CACNA1D: variants seen among roughly 807,000 people sequenced by gnomAD.
CACNA1D encodes calcium voltage-gated channel subunit alpha1 D, also known as voltage-dependent L-type calcium channel subunit alpha-1D.
CACNA1D carries 55 observed loss-of-function variants against 257.1 expected under a neutral mutation model. The ratio of observed to expected loss-of-function variants is 0.21; its 90% CI spans 0.17 to 0.27. The LOEUF (loss-of-function observed/expected upper bound fraction) is 0.27. Among genes scored for constraint, CACNA1D ranks in the 10% least tolerant of loss-of-function variants. The pLI is 1.00. For synonymous variants in CACNA1D, 980 were observed against 1,014.9 expected (o/e 0.97, Z 0.65); for missense variants, 1,876 against 2,784.0 (o/e 0.67, Z 7.34).
chr3:53,660,232 C>G lies in CACNA1D; in HGVS notation c.723C>G (p.Ala241=). 1.2e-6 allele frequency: 2 copies of G among 1,614,116 alleles called. No individual in the cohort carries two copies. Among genetic ancestry groups the G allele is most frequent in the Non-Finnish European group, 8.5e-7 (1 of 1,179,978 alleles). ...SGGFDVKALR[A]FRVLRPLRLV... ...GCTTTGATGTCAAAGCCCTCCGTGC[C>G]TTTCGAGTGTTGCGACCACTTCGAC... is the stretch of plus-strand genomic sequence containing the variant. Residue 241 remains alanine (A), a synonymous_variant, in exon 5 of 48, where the codon GCC becomes GCG. Coordinates refer to ENST00000350061, the MANE Select transcript of CACNA1D (RefSeq NM_001128840.3).
rs949622627 is a variant in CACNA1D, at chr3:53,812,468, C to A, written c.*1062C>A. 2 of 152,196 alleles carry A rather than the reference C, an allele frequency of 1.3e-5. No individual in the cohort carries two copies. The highest frequency in any genetic ancestry group is 4.8e-5 in the African/African-American group (2 of 41,448). The allele number at this position is 152,196 out of a possible 1,614,324, so 9.4% of individuals were successfully genotyped here. A position where few individuals can be genotyped will look rare whatever the true frequency, so the allele number is the denominator to read the frequency against. ...ACCTATCATCTTTCCACAAGATATA[C>A]CAGATGACTATTTGCAGTCTTTTCT... On this transcript the variant is annotated 3_prime_UTR_variant, in exon 48 of 48. Transcript: ENST00000350061.
At chr3:53,547,844 A>G (rs1481163319) in intron 3 of CACNA1D, among the ~76,000 whole-genome samples, 1 of 152,208 alleles carries the variant, frequency 6.6e-6, no homozygotes, top group Non-Finnish European at 1.5e-5. Context: ...TGACAAGGCT[A>G]TGAGGTCCTG....
intron 3 of CACNA1D, among the ~76,000 whole-genome samples, chr3:53,606,669 T>C (rs1383922680): frequency 5.9e-5 from 9 of 152,228 alleles, no homozygotes; most frequent in Admixed American, 5.9e-4. Flanking sequence ...ACCCACTTTA[T>C]TGAGCTAAAA....
At chr3:53,802,899 A>G (rs1272743219) in intron 43 of CACNA1D, among the ~76,000 whole-genome samples, 2 of 152,130 alleles carry the variant, frequency 1.3e-5, no homozygotes, top group Non-Finnish European at 2.9e-5. Context: ...GCCTTTGGAA[A>G]CATGGTGGAC....
intron 3 of CACNA1D, among the ~76,000 whole-genome samples, chr3:53,597,602 T>C (rs1559895117): frequency 6.6e-6 from 1 of 152,182 alleles, no homozygotes; most frequent in Non-Finnish European, 1.5e-5. Context: ...GGTTTCATAT[T>C]TTTAGCTCCT....
rs1288394213 is a variant in CACNA1D at position 53,740,740 on chromosome 3, TA to T, written c.2811+409del. Among the ~76,000 whole-genome samples the T allele has an allele frequency of 7.2e-5, 11 of 152,020 alleles. No individual in the cohort carries two copies. In the South Asian group the frequency reaches 2.3e-3, roughly 32 times the overall value. ...GGTTGAGAATTACATTTTGCTCATTTAAAAAAAATACCCTCTGTAATTTGTC... is the reference window on the plus strand; with the variant it reads ...GGTTGAGAATTACATTTTGCTCATTTAAAAAAATACCCTCTGTAATTTGTC... On this transcript the variant is annotated intron_variant, in intron 21 of 47. Transcript: ENST00000350061.
chr3:53,654,369 G>A (rs2094128397), intron 4 of CACNA1D, among the ~76,000 whole-genome samples: 2 of 152,166 alleles, frequency 1.3e-5, no homozygotes, highest in African/African-American at 4.8e-5. Context: ...GTATTGTGGT[G>A]TCTATAGCTT....
intron 3 of CACNA1D, among the ~76,000 whole-genome samples, chr3:53,521,910 A>G (rs1467221409): frequency 1.3e-5 from 2 of 151,028 alleles, no homozygotes; most frequent in Admixed American, 1.3e-4. Flanking sequence ...GGATTGCTTG[A>G]GGCCATGAGT....
intron 12 of CACNA1D, among the ~76,000 whole-genome samples, chr3:53,722,776 C>T (rs1456341236): frequency 6.6e-6 from 1 of 152,180 alleles, no homozygotes; most frequent in Admixed American, 6.5e-5. Flanking sequence ...CTGCCCTCAT[C>T]GGGGAAGCTT....
At chr3:53,767,704 A>G (rs2095342149) in intron 30 of CACNA1D, among the ~76,000 whole-genome samples, 1 of 152,230 alleles carries the variant, frequency 6.6e-6, no homozygotes, top group Non-Finnish European at 1.5e-5. Flanking sequence ...TGTTCAGGCT[A>G]GTATGAGAGC....
At chr3:53,733,984 A>G (rs2095029459) in intron 19 of CACNA1D, among the ~76,000 whole-genome samples, 1 of 133,008 alleles carries the variant, frequency 7.5e-6, no homozygotes, top group Admixed American at 8.1e-5. Flanking sequence ...GTATATATAT[A>G]TACATATACA....
At chr3:53,567,592 C>T (rs188929504) in intron 3 of CACNA1D, among the ~76,000 whole-genome samples, 20 of 152,194 alleles carry the variant, frequency 1.3e-4, no homozygotes, top group African/African-American at 2.6e-4. Context: ...TACAGAGGAG[C>T]GAGAACTTAC....
At chr3:53,614,191 G>C (rs9878618) in intron 3 of CACNA1D, among the ~76,000 whole-genome samples, 3,972 of 151,448 alleles carry the variant, frequency 0.026, 191 homozygotes, top group African/African-American at 0.091. Context: ...ACTTGAGGAA[G>C]ACATCGTCCC....
At chr3:53,760,630 G>A (rs903453563) in intron 29 of CACNA1D, among the ~76,000 whole-genome samples, 3 of 152,208 alleles carry the variant, frequency 2.0e-5, no homozygotes, top group African/African-American at 4.8e-5. Flanking sequence ...CAGGGGTGTC[G>A]AGAGACCACA....
intron 9 of CACNA1D, among the ~76,000 whole-genome samples, chr3:53,714,043 C>A (rs1286656989): frequency 1.3e-5 from 2 of 152,220 alleles, no homozygotes; most frequent in Non-Finnish European, 2.9e-5. Flanking sequence ...TGCCAGCATC[C>A]TCTCACAGGT....
chr3:53,762,040 G>A lies in CACNA1D; in HGVS notation c.3829G>A (p.Val1277Ile), dbSNP rs1329352704. The A allele has an allele frequency of 5.6e-6, 9 of 1,613,792 alleles. No individual in the cohort carries two copies. The highest frequency in any genetic ancestry group is 1.3e-5 in the African/African-American group (1 of 75,042). Residue 1277 changes from valine to isoleucine, a missense_variant, in exon 30 of 48, where the codon GTA (valine) becomes ATA (isoleucine). Physicochemically the swap from Val to Ile is conservative, Grantham distance 29. Transcript: ENST00000350061. ...CTGGAACACGTTTGACTCCCTCATC[G>A]TAATCGGCAGCATTATAGACGTGGC... is the stretch of plus-strand genomic sequence containing the variant. ...DAWNTFDSLI[V>I]IGSIIDVALS...
chr3:53,784,679 A>G (rs773354974), intron 39 of CACNA1D, among the ~76,000 whole-genome samples: 14 of 152,184 alleles, frequency 9.2e-5, no homozygotes, highest in Non-Finnish European at 1.6e-4. Context: ...GAGAAGACAC[A>G]GAGCCCTGGA....
chr3:53,642,965 T>C (rs1310627012), intron 3 of CACNA1D, among the ~76,000 whole-genome samples: 1 of 152,192 alleles, frequency 6.6e-6, no homozygotes, highest in Non-Finnish European at 1.5e-5. Flanking sequence ...ATCCAACTTG[T>C]TACTTAATCT....
At chr3:53,619,125 C>T (rs3796345) in intron 3 of CACNA1D, among the ~76,000 whole-genome samples, 56,351 of 151,946 alleles carry the variant, frequency 0.37, 10,660 homozygotes, top group African/African-American at 0.42. Context: ...GCAGAAACCA[C>T]ACCAATAAAA....
Sources: allele counts gnomAD v4.1 joint callset (sites outside exome capture counted in the v4.1 genomes callset), GRCh38; gene constraint gnomAD v4.1.1; transcripts MANE v1.5; gene names NCBI Gene and HGNC (gene_info 2026-07-23, HGNC 2026-07-21).